AGBL4: variants seen among roughly 807,000 people sequenced by gnomAD.
The protein encoded by AGBL4 is AGBL carboxypeptidase 4.
AGBL4 carries 58 observed loss-of-function variants against 66.4 expected under a neutral mutation model. The ratio of observed to expected loss-of-function variants is 0.87; its 90% confidence interval spans 0.71 to 1.09. The LOEUF (loss-of-function observed/expected upper bound fraction) is 1.09. Among genes scored for constraint, AGBL4 ranks in the 50% least tolerant of loss-of-function variants. AGBL4 has a pLI of 0.00. For synonymous variants in AGBL4, 234 were observed against 222.9 expected, an observed-to-expected ratio of 1.05 and a Z score of -0.44; for missense variants, 579 against 631.0, an observed-to-expected ratio of 0.92 and a Z score of 0.88.
At chr1:49,843,476 C>T (rs1646054240) in intron 2 of AGBL4, among the ~76,000 whole-genome samples, 4 of 152,172 alleles carry the variant, frequency 2.6e-5, no homozygotes, top group Admixed American at 2.6e-4. Context: ...CTTCTAGAGG[C>T]ACCCACATTC....
At chr1:49,836,956 G>C (rs181460900) in intron 2 of AGBL4, among the ~76,000 whole-genome samples, 1 of 152,126 alleles carries the variant, frequency 6.6e-6, no homozygotes, top group Non-Finnish European at 1.5e-5. Context: ...AGGAAGCTTC[G>C]TTCCAGAGAG....
rs1408481150 is a variant in AGBL4 at position 48,979,016 on chromosome 1, G to A, written c.594+66568C>T. Among the ~76,000 whole-genome samples the A allele has an allele frequency of 2.0e-5, 3 of 152,192 alleles. No homozygotes were observed. The East Asian group carries it at 5.8e-4, about 29-fold the overall frequency. On this transcript the variant is annotated intron_variant, in intron 5 of 13. Transcript: ENST00000371839. Reference sequence around the variant, plus strand: ...TTACAAATGGAGACCTTTGTGTAAGGTCTATTTAGAACAACTTCAAAGTGA... The same window carrying A: ...TTACAAATGGAGACCTTTGTGTAAGATCTATTTAGAACAACTTCAAAGTGA...
chr1:49,741,679 G>A (rs574274932), intron 2 of AGBL4, among the ~76,000 whole-genome samples: 3 of 152,260 alleles, frequency 2.0e-5, no homozygotes, highest in Admixed American at 6.5e-5. Context: ...GAATCCAGCA[G>A]CATATCAAAA....
At chr1:48,666,682 G>A (rs1036068408) in intron 6 of AGBL4, among the ~76,000 whole-genome samples, 10 of 152,198 alleles carry the variant, frequency 6.6e-5, no homozygotes, top group Non-Finnish European at 1.3e-4. Context: ...AGAGAGTTAA[G>A]TGACTTGTCC....
chr1:49,753,161 G>C (rs1244351902), intron 2 of AGBL4, among the ~76,000 whole-genome samples: 1 of 152,152 alleles, frequency 6.6e-6, no homozygotes, highest in Non-Finnish European at 1.5e-5. Context: ...TCTTCATAGT[G>C]TCAATGATCT....
intron 1 of AGBL4, among the ~76,000 whole-genome samples, chr1:49,902,518 A>G (rs1009154533): frequency 1.3e-5 from 2 of 152,000 alleles, no homozygotes; most frequent in Non-Finnish European, 2.9e-5. Context: ...GGAGGCCAAG[A>G]TGGGCAGATC....
At chr1:48,658,057 A>G (rs1646048464) in intron 7 of AGBL4, among the ~76,000 whole-genome samples, 1 of 152,184 alleles carries the variant, frequency 6.6e-6, no homozygotes, top group African/African-American at 2.4e-5. Context: ...ACCCATGACA[A>G]CTACTGTATA....
chr1:49,010,590 G>A (rs1257972353), intron 5 of AGBL4, among the ~76,000 whole-genome samples: 3 of 137,568 alleles, frequency 2.2e-5, no homozygotes, highest in South Asian at 5.0e-4. Flanking sequence ...TAAGCCAAAA[G>A]AACAAAGCTG....
chr1:50,000,542 A>C (rs941213711), intron 1 of AGBL4, among the ~76,000 whole-genome samples: 5 of 152,224 alleles, frequency 3.3e-5, no homozygotes, highest in Non-Finnish European at 5.9e-5. Flanking sequence ...AAGTAAATCT[A>C]CTATTTGATC....
chr1:49,392,208 T>C (rs949958985), intron 3 of AGBL4, among the ~76,000 whole-genome samples: 1 of 152,238 alleles, frequency 6.6e-6, no homozygotes, highest in Non-Finnish European at 1.5e-5. Context: ...AACAGCCACA[T>C]TATGGCTAAT....
intron 5 of AGBL4, among the ~76,000 whole-genome samples, chr1:48,900,759 TA>T: frequency 6.6e-6 from 1 of 152,176 alleles, no homozygotes; most frequent in Non-Finnish European, 1.5e-5. Flanking sequence ...GTCCTAAATG[TA>T]AAACCTGAAA....
intron 4 of AGBL4, among the ~76,000 whole-genome samples, chr1:49,063,516 T>C (rs961171907): frequency 4.6e-5 from 7 of 152,190 alleles, no homozygotes; most frequent in African/African-American, 1.7e-4. Context: ...TCCAATTATA[T>C]TAGTTTTGTT....
Position 48,678,006 on chromosome 1 carries a change from C to A in AGBL4, c.635-14765G>T, listed in dbSNP as rs551281244. 1.1e-4 allele frequency among the ~76,000 whole-genome samples: 16 copies of A among 152,232 alleles called. No individual in the cohort carries two copies. The South Asian group carries it at 3.3e-3, about 32-fold the overall frequency. On this transcript the variant is annotated intron_variant, in intron 6 of 13. Transcript: ENST00000371839. Reference sequence around the variant, plus strand: ...CCTCCCAGGACACAGTTTCTGACTGCCTGACACTACGAACACGTCATCGAA... The same window carrying A: ...CCTCCCAGGACACAGTTTCTGACTGACTGACACTACGAACACGTCATCGAA...
chr1:48,604,085 T>C (rs761318042), intron 9 of AGBL4, among the ~76,000 whole-genome samples: 16 of 151,854 alleles, frequency 1.1e-4, no homozygotes, highest in Non-Finnish European at 2.1e-4. Context: ...GTGAGCCGAG[T>C]TGGCACCACC....
intron 4 of AGBL4, among the ~76,000 whole-genome samples, chr1:49,181,532 C>T (rs1190525282): frequency 6.6e-6 from 1 of 152,146 alleles, no homozygotes; most frequent in African/African-American, 2.4e-5. Context: ...CCTCAGTTAC[C>T]TCATCTATAA....
At chr1:49,096,185 A>G (rs1297205370) in intron 4 of AGBL4, among the ~76,000 whole-genome samples, 1 of 151,858 alleles carries the variant, frequency 6.6e-6, no homozygotes, top group African/African-American at 2.4e-5. Context: ...AAAGTCAGGA[A>G]ACAACAGGTG....
chr1:49,846,518 G>A, intron 2 of AGBL4: 1 of 712,504 alleles, frequency 1.4e-6, no homozygotes, highest in South Asian at 2.1e-5. Context: ...GGTGGAAACA[G>A]ACTAATACAA....
At chr1:49,021,075 C>G (rs1418154666) in intron 5 of AGBL4, among the ~76,000 whole-genome samples, 1 of 152,168 alleles carries the variant, frequency 6.6e-6, no homozygotes, top group African/African-American at 2.4e-5. Context: ...TGAATATTTC[C>G]ATGATCCTAT....
At chr1:49,574,593 A>G (rs565432201) in intron 3 of AGBL4, among the ~76,000 whole-genome samples, 1 of 152,274 alleles carries the variant, frequency 6.6e-6, no homozygotes, top group African/African-American at 2.4e-5. Flanking sequence ...ATTTTTAAAG[A>G]GCCCTGTAAT....
Sources: allele counts gnomAD v4.1 joint callset (sites outside exome capture counted in the v4.1 genomes callset), GRCh38; gene constraint gnomAD v4.1.1; transcripts MANE v1.5; gene names NCBI Gene and HGNC (gene_info 2026-07-23, HGNC 2026-07-21).